The following SEPTIN9 variants were observed in gnomAD, a reference collection of about 807,000 sequenced individuals.
SEPTIN9 encodes septin-9.
Under a neutral mutation model 56.6 loss-of-function variants are expected in SEPTIN9, and 13 were observed. The ratio of observed to expected loss-of-function variants is 0.23; its 90% CI spans 0.15 to 0.37. The LOEUF (loss-of-function observed/expected upper bound fraction) is 0.37. Ranked by LOEUF, SEPTIN9 falls within the 10% of genes least tolerant of loss-of-function variation. The probability of loss-of-function intolerance (pLI) is 1.00; values close to 1 mark genes in which losing one functional copy is unlikely to be tolerated. For synonymous variants in SEPTIN9, 332 were observed against 334.1 expected (o/e 0.99, Z 0.07); for missense variants, 650 against 823.1 (o/e 0.79, Z 2.57).
In SEPTIN9 at chr17:77,421,915, G is replaced by A. The variant is rs2036719595; in HGVS notation, c.721+19212G>A. On this transcript the variant is annotated intron_variant, in intron 3 of 11. Transcript: ENST00000427177. The surrounding 1 kb of genome is among the most constrained non-coding windows in gnomAD (Gnocchi z 4.6). ...CCAGGCTGGAGTTCAATGGCCCAAT[G>A]TCCCGCTCACTGTGATCTCGACCTC... Among the ~76,000 whole-genome samples, 1 of 152,142 alleles carries A rather than the reference G, an allele frequency of 6.6e-6. No homozygotes were observed. Among genetic ancestry groups the A allele is most frequent in the Non-Finnish European group, 1.5e-5 (1 of 68,026 alleles).
chr17:77,317,158 C>A lies in SEPTIN9; in HGVS notation c.76+9961C>A, dbSNP rs1043552349. ...CATCAGTTTCCTGCAGCTGCTGTAACGAGTGGCCACAAGCTGGCTGGGTCA... is the reference window on the plus strand; with the variant it reads ...CATCAGTTTCCTGCAGCTGCTGTAAAGAGTGGCCACAAGCTGGCTGGGTCA... On this transcript the variant is annotated intron_variant, in intron 2 of 11. Transcript: ENST00000427177. The surrounding 1 kb of genome is among the most constrained non-coding windows in gnomAD (Gnocchi z 4.2). 1.3e-5 allele frequency among the ~76,000 whole-genome samples: 2 copies of A among 152,180 alleles called. No homozygotes were observed. The highest frequency in any genetic ancestry group is 4.8e-5 in the African/African-American group (2 of 41,436).
intron 3 of SEPTIN9, among the ~76,000 whole-genome samples, chr17:77,467,578 G>T (rs2038799540): frequency 6.6e-6 from 1 of 152,170 alleles, no homozygotes; most frequent in South Asian, 2.1e-4. Flanking sequence ...AAAATTTCCT[G>T]AACCGGCCTC....
chr17:77,480,102 G>A (rs1470628556), intron 3 of SEPTIN9, among the ~76,000 whole-genome samples: 5 of 152,196 alleles, frequency 3.3e-5, no homozygotes, highest in South Asian at 2.1e-4. Context: ...AGAGAGAGGA[G>A]CCCTGGCCTC....
intron 2 of SEPTIN9, among the ~76,000 whole-genome samples, chr17:77,344,450 A>T (rs1451311881): frequency 1.3e-5 from 2 of 152,196 alleles, no homozygotes; most frequent in Admixed American, 1.3e-4. Flanking sequence ...AGATATAACA[A>T]TTGCTCAAAA....
At chr17:77,388,843 T>G (rs890678353) in intron 2 of SEPTIN9, among the ~76,000 whole-genome samples, 2 of 149,036 alleles carry the variant, frequency 1.3e-5, no homozygotes, top group African/African-American at 4.9e-5. Flanking sequence ...TTGCATTTTT[T>G]AAGTGCTTGT....
rs1158162845 is a variant in SEPTIN9, at chr17:77,313,740, T to C, written c.76+6543T>C. Among the ~76,000 whole-genome samples the C allele has an allele frequency of 6.6e-6, 1 of 152,130 alleles. No individual in the cohort carries two copies. Among genetic ancestry groups the C allele is most frequent in the Admixed American group, 6.5e-5 (1 of 15,274 alleles). ...AATGGAAAAGTCTTTTTTTTTTCTT[T>C]TTTCTTTCTAGGCAGGGTCTTTCTC... On this transcript the variant is annotated intron_variant, in intron 2 of 11. Coordinates refer to ENST00000427177, the MANE Select transcript of SEPTIN9 (RefSeq NM_001113491.2). This position sits in a 1 kb window ranked among gnomAD's most constrained non-coding sequence, Gnocchi z 4.5.
chr17:77,322,082 G>A (rs750192811), intron 2 of SEPTIN9, among the ~76,000 whole-genome samples: 1 of 152,214 alleles, frequency 6.6e-6, no homozygotes, highest in African/African-American at 2.4e-5. Flanking sequence ...GCTGGCAGGG[G>A]CCTCGGGGAG....
chr17:77,386,228 TG>T lies in SEPTIN9; in HGVS notation c.77-15830del, dbSNP rs1412102360. ...GCCCTGTGCCCCACAGGCTCCCTCC[TG>T]CCCCCACCCCTCCTGCAGAGGGGCC... On this transcript the variant is annotated intron_variant, in intron 2 of 11. Coordinates refer to ENST00000427177, the MANE Select transcript of SEPTIN9 (RefSeq NM_001113491.2). 3.0e-4 allele frequency among the ~76,000 whole-genome samples: 45 copies of T among 152,260 alleles called. 1 individual carries two copies. The highest frequency in any genetic ancestry group is 4.4e-5 in the Non-Finnish European group (3 of 67,994).
rs1475661761 is a variant in SEPTIN9 at position 77,487,346 on chromosome 17, G to A, written c.914-78G>A. On this transcript the variant is annotated intron_variant, in intron 4 of 11. Coordinates refer to ENST00000427177, the MANE Select transcript of SEPTIN9 (RefSeq NM_001113491.2). This position sits in a 1 kb window ranked among gnomAD's most constrained non-coding sequence, Gnocchi z 4.3. ...TCTCAGACTGGAGAGCCTCGTGCCT[G>A]GGTGGGAGGGGCCCCATGTGCAGAC... 2.7e-6 allele frequency: 4 copies of A among 1,484,908 alleles called. No individual in the cohort carries two copies. In the East Asian group the frequency reaches 7.4e-5, roughly 27 times the overall value. 92.0% of individuals were successfully genotyped at this position (1,484,908 alleles called of 1,614,324 possible).
intron 2 of SEPTIN9, among the ~76,000 whole-genome samples, chr17:77,343,003 G>GTCTATCTATCTA (rs139340887): frequency 0.054 from 7,895 of 147,176 alleles, 254 homozygotes; most frequent in East Asian, 0.089. Flanking sequence ...CTGTCTGTCT[G>GTCTATCTATCTA]TCTATCTATC....
rs934170577 is a variant in SEPTIN9 at position 77,492,913 on chromosome 17, C to T, written c.1477-67C>T. ...ACCCCAGGCTCAGGGCAGCTCCTCCCGGGGGCCCAGGGGAGGGAATTGCCT... is the reference window on the plus strand; with the variant it reads ...ACCCCAGGCTCAGGGCAGCTCCTCCTGGGGGCCCAGGGGAGGGAATTGCCT... On this transcript the variant is annotated intron_variant, in intron 9 of 11. Transcript: ENST00000427177. This position sits in a 1 kb window ranked among gnomAD's most constrained non-coding sequence, Gnocchi z 5.4. 1.4e-5 allele frequency: 21 copies of T among 1,457,848 alleles called. No homozygotes were observed. The highest frequency in any genetic ancestry group is 1.3e-4 in the South Asian group (11 of 83,678). The allele number at this position is 1,457,848 out of a possible 1,614,324, so 90.3% of individuals were successfully genotyped here. A position where few individuals can be genotyped will look rare whatever the true frequency, so the allele number is the denominator to read the frequency against.
chr17:77,305,929 T>G (rs2032244295), intron 1 of SEPTIN9, among the ~76,000 whole-genome samples: 1 of 111,976 alleles, frequency 8.9e-6, no homozygotes, highest in South Asian at 3.5e-4. Flanking sequence ...GGTGGGTGGA[T>G]GGATGGATGG....
At position 77,456,214 on chromosome 17, in the gene SEPTIN9, G is replaced by C. The variant is rs1311643969; in HGVS notation, c.722-25930G>C. Reference sequence around the variant, plus strand: ...GGGGGGCCGGGTGGGTGGGAGCCGAGGCCAGGGAGAACAGCGCAGACCTGG... The same window carrying C: ...GGGGGGCCGGGTGGGTGGGAGCCGACGCCAGGGAGAACAGCGCAGACCTGG... On this transcript the variant is annotated intron_variant, in intron 3 of 11. Coordinates refer to ENST00000427177, the MANE Select transcript of SEPTIN9 (RefSeq NM_001113491.2). The surrounding 1 kb of genome is among the most constrained non-coding windows in gnomAD (Gnocchi z 6.0). Among the ~76,000 whole-genome samples, 2 of 152,086 alleles carry C rather than the reference G, an allele frequency of 1.3e-5. No homozygotes were observed. Among genetic ancestry groups the C allele is most frequent in the Non-Finnish European group, 2.9e-5 (2 of 67,994 alleles).
intron 2 of SEPTIN9, among the ~76,000 whole-genome samples, chr17:77,341,784 C>CA (rs34170928): frequency 0.18 from 20,517 of 113,296 alleles, 2,762 homozygotes; most frequent in African/African-American, 0.37. Context: ...GACTCCATCT[C>CA]AAAAAAAAAA....
intron 1 of SEPTIN9, among the ~76,000 whole-genome samples, chr17:77,301,394 TTGTGTG>T (rs56947697): frequency 0.019 from 2,768 of 142,476 alleles, 41 homozygotes; most frequent in African/African-American, 0.039. Flanking sequence ...GGGAATAGAT[TTGTGTG>T]TGTGTGTGTG....
intron 3 of SEPTIN9, among the ~76,000 whole-genome samples, chr17:77,471,965 C>G (rs542421987): frequency 1.0e-4 from 15 of 147,996 alleles, no homozygotes; most frequent in Admixed American, 2.7e-4. Context: ...ATAAAATAGC[C>G]CCCCCCACCA....
chr17:77,292,989 C>CATTCATTT (rs1555641264), intron 1 of SEPTIN9, among the ~76,000 whole-genome samples: 19 of 116,260 alleles, frequency 1.6e-4, no homozygotes, highest in African/African-American at 5.0e-4. Flanking sequence ...ACCGCTTGAG[C>CATTCATTT]ATTTATTTAT....
At chr17:77,472,240 T>C (rs2039033027) in intron 3 of SEPTIN9, among the ~76,000 whole-genome samples, 1 of 152,200 alleles carries the variant, frequency 6.6e-6, no homozygotes, top group African/African-American at 2.4e-5. Context: ...TGTCCAAATT[T>C]GACTTTACCG....
intron 10 of SEPTIN9, chr17:77,496,124 G>A (rs2040248514): frequency 6.6e-6 from 1 of 151,570 alleles, no homozygotes; most frequent in South Asian, 2.1e-4. Flanking sequence ...CACCTCCTGG[G>A]TTCCAGTGAT....
Sources: allele counts gnomAD v4.1 joint callset (sites outside exome capture counted in the v4.1 genomes callset), GRCh38; gene constraint gnomAD v4.1.1; non-coding constraint Gnocchi (gnomAD v3.1); transcripts MANE v1.5; gene names NCBI Gene and HGNC (gene_info 2026-07-23, HGNC 2026-07-21).